DOP1A: variants seen among roughly 807,000 people sequenced by gnomAD.
DOP1A encodes the protein DOP1 leucine zipper like protein A.
In DOP1A, 90 loss-of-function variants were observed where a neutral mutation model predicts 267.6. The ratio of observed to expected loss-of-function variants is 0.34; its 90% CI spans 0.28 to 0.40. The LOEUF (loss-of-function observed/expected upper bound fraction) is 0.40, where lower values mean the gene tolerates loss of function less well. Among genes scored for constraint, DOP1A ranks in the 10% least tolerant of loss-of-function variants. The pLI is 1.00. For missense variants in DOP1A, 2,437 were observed against 2,900.4 expected (o/e 0.84, Z 3.67); for synonymous variants, 932 against 999.1 (o/e 0.93, Z 1.27).
chr6:83,068,651 G>C (rs1270200908), intron 1 of DOP1A, among the ~76,000 whole-genome samples: 1 of 151,992 alleles, frequency 6.6e-6, no homozygotes, highest in Non-Finnish European at 1.5e-5. Flanking sequence ...CTGTTTTGAT[G>C]TTGTTGGCCA....
At position 83,168,008 on chromosome 6, in the gene DOP1A, C is replaced by T. The variant is rs1246160173; in HGVS notation, c.7239C>T (p.Ser2413=). 6.2e-7 allele frequency: 1 copy of T among 1,614,048 alleles called. No individual in the cohort carries two copies. Among genetic ancestry groups the T allele is most frequent in the Non-Finnish European group, 8.5e-7 (1 of 1,180,036 alleles). ...LSQVFNSKVT[S]RCGGHSGSPI... ...AAGTCTTCAACAGCAAAGTCACAAG[C>T]CGATGTGGAGGACACTCAGGGAGTC... Residue 2413 remains serine (S), a synonymous_variant, in exon 39 of 39, where the codon AGC becomes AGT. Coordinates refer to ENST00000349129, the MANE Select transcript of DOP1A (RefSeq NM_015018.4).
chr6:83,073,295 C>T (rs1785929464), intron 1 of DOP1A, among the ~76,000 whole-genome samples: 1 of 152,076 alleles, frequency 6.6e-6, no homozygotes, highest in Non-Finnish European at 1.5e-5. Flanking sequence ...ACCATGTTGG[C>T]CAGGCTGGTC....
chr6:83,097,705 A>T (rs941512038), intron 3 of DOP1A, among the ~76,000 whole-genome samples: 16 of 151,686 alleles, frequency 1.1e-4, no homozygotes, highest in African/African-American at 3.6e-4. Flanking sequence ...CTTCATTTTG[A>T]CCTTTTTATT....
intron 1 of DOP1A, among the ~76,000 whole-genome samples, chr6:83,088,055 A>G (rs1014524024): frequency 6.6e-6 from 1 of 152,070 alleles, no homozygotes; most frequent in African/African-American, 2.4e-5. Flanking sequence ...GTATTTTTTT[A>G]GTAGAGACGG....
At position 83,162,944 on chromosome 6, in the gene DOP1A, T is replaced by C. The variant is rs760593662; in HGVS notation, c.7092+25T>C. On this transcript the variant is annotated intron_variant, in intron 38 of 38. Coordinates refer to ENST00000349129, the MANE Select transcript of DOP1A (RefSeq NM_015018.4). ...GGTATCGCATTCTTTTGTGATTGTTTTGTTTTACATCACTACATGTTGCAT... is the reference window on the plus strand; with the variant it reads ...GGTATCGCATTCTTTTGTGATTGTTCTGTTTTACATCACTACATGTTGCAT... 8 of 1,604,486 alleles carry C rather than the reference T, an allele frequency of 5.0e-6. No individual in the cohort carries two copies. In the African/African-American group the frequency reaches 9.4e-5, roughly 19 times the overall value.
At chr6:83,130,575 C>T (rs1429765232) in intron 17 of DOP1A, among the ~76,000 whole-genome samples, 178 bp downstream of exon 17, 7 of 152,136 alleles carry the variant, frequency 4.6e-5, no homozygotes. Flanking sequence ...CTCTCCCCAT[C>T]TTATTCCCAA....
intron 1 of DOP1A, among the ~76,000 whole-genome samples, chr6:83,090,835 G>A (rs1347419103): frequency 2.0e-5 from 3 of 152,050 alleles, no homozygotes; most frequent in African/African-American, 7.2e-5. Flanking sequence ...TTAAAATGGT[G>A]TATCTTTACA....
In DOP1A at chr6:83,132,207, G is replaced by A. The variant is rs756440125; in HGVS notation, c.2648G>A (p.Gly883Glu). 6.2e-7 allele frequency: 1 copy of A among 1,611,966 alleles called. No homozygotes were observed. The highest frequency in any genetic ancestry group is 1.1e-5 in the South Asian group (1 of 90,908). ...GCTTTAACATTGTGGGACCAGTTGGGAGATGGGACACCTCAGCATCACCAG... is the reference window on the plus strand; with the variant it reads ...GCTTTAACATTGTGGGACCAGTTGGAAGATGGGACACCTCAGCATCACCAG... ...HVALTLWDQL[G>E]DGTPQHHQKS... The change falls in exon 18 of 39, where the codon GGA becomes GAA. Residue 883 changes from glycine to glutamate, a missense_variant. Gly to Glu is a moderately conservative substitution (Grantham distance 98, BLOSUM62 -2). Around this residue, in one of 9 missense-constraint regions of DOP1A, gnomAD observed 878 missense variants for 992.9 expected, o/e 0.88. Transcript: ENST00000349129.
chr6:83,105,450 C>T (rs568188545), intron 4 of DOP1A, among the ~76,000 whole-genome samples: 16 of 148,748 alleles, frequency 1.1e-4, no homozygotes, highest in African/African-American at 3.0e-4. Context: ...CTGCAACCTC[C>T]GCCTCCCAGG....
At chr6:83,164,556 T>C in intron 38 of DOP1A, 1 of 1,078,384 alleles carries the variant, frequency 9.3e-7, no homozygotes, top group Admixed American at 2.0e-5. Context: ...ACTATTTTGA[T>C]TGAAAGGCAT....
chr6:83,103,899 A>G (rs1773063254), intron 4 of DOP1A, among the ~76,000 whole-genome samples: 1 of 152,174 alleles, frequency 6.6e-6, no homozygotes, highest in Admixed American at 6.5e-5. Flanking sequence ...ACCCCCTTCT[A>G]GTGAAAACCC....
At chr6:83,113,642 A>T (rs925302013) in intron 7 of DOP1A, among the ~76,000 whole-genome samples, 9 of 152,212 alleles carry the variant, frequency 5.9e-5, no homozygotes, top group Non-Finnish European at 1.2e-4. Context: ...GAAGTAGATT[A>T]TTTCATACTT....
At chr6:83,068,975 A>G (rs1785163283) in intron 1 of DOP1A, among the ~76,000 whole-genome samples, 1 of 152,220 alleles carries the variant, frequency 6.6e-6, no homozygotes, top group Non-Finnish European at 1.5e-5. Flanking sequence ...CACCTGATTT[A>G]ATACACAAAC....
At chr6:83,132,365 CCACACA>C in intron 18 of DOP1A, 37 bp downstream of exon 18, 14 of 1,404,850 alleles carry the variant, frequency 1.0e-5, no homozygotes, top group South Asian at 2.5e-5. Flanking sequence ...GCCCCCTCCG[CCACACA>C]CACACACACA....
In DOP1A at chr6:83,116,875, T is replaced by C. The variant is rs189037922; in HGVS notation, c.781-2013T>C. Among the ~76,000 whole-genome samples the C allele has an allele frequency of 8.0e-3, 1,216 of 152,264 alleles. 19 individuals are homozygous for C. Among genetic ancestry groups the C allele is most frequent in the African/African-American group, 0.028 (1,164 of 41,568 alleles). On this transcript the variant is annotated intron_variant, in intron 7 of 38. Coordinates refer to ENST00000349129, the MANE Select transcript of DOP1A (RefSeq NM_015018.4). ...GTTTTCCATAATTCTACTTTTCTCC[T>C]AGAAGCCCAACTTTTATTATTTGTC...
At chr6:83,102,034 C>A (rs1280812646) in intron 4 of DOP1A, among the ~76,000 whole-genome samples, 1 of 152,182 alleles carries the variant, frequency 6.6e-6, no homozygotes, top group Non-Finnish European at 1.5e-5. Context: ...TATGCTGACT[C>A]CCAGCTGGAC....
At chr6:83,161,871 C>G (rs1784316785) in intron 37 of DOP1A, among the ~76,000 whole-genome samples, 1 of 152,068 alleles carries the variant, frequency 6.6e-6, no homozygotes, top group South Asian at 2.1e-4. Context: ...AATAAATAAG[C>G]ATTACTTAAG....
At chr6:83,085,596 T>A (rs918320727) in intron 1 of DOP1A, among the ~76,000 whole-genome samples, 6 of 151,984 alleles carry the variant, frequency 3.9e-5, no homozygotes, top group African/African-American at 1.2e-4. Flanking sequence ...GCAAAAAAAA[T>A]TGGTGTATTT....
rs955259095 is a variant in DOP1A at position 83,153,458 on chromosome 6, G to A, written c.6130-53G>A. On this transcript the variant is annotated intron_variant, in intron 30 of 38. Coordinates refer to ENST00000349129, the MANE Select transcript of DOP1A (RefSeq NM_015018.4). ...AACAAACTGAAAATCAGTACCTTGGGATGATGTCAGTTTCACCTCATATGT... is the reference window on the plus strand; with the variant it reads ...AACAAACTGAAAATCAGTACCTTGGAATGATGTCAGTTTCACCTCATATGT... 4 of 1,174,368 alleles carry A rather than the reference G, an allele frequency of 3.4e-6. No individual in the cohort carries two copies. In the African/African-American group the frequency reaches 6.3e-5, roughly 19 times the overall value. The allele number at this position is 1,174,368 out of a possible 1,614,324, so 72.7% of individuals were successfully genotyped here. A position where few individuals can be genotyped will look rare whatever the true frequency, so the allele number is the denominator to read the frequency against.
Sources: allele counts gnomAD v4.1 joint callset (sites outside exome capture counted in the v4.1 genomes callset), GRCh38; gene constraint gnomAD v4.1.1; regional missense constraint gnomAD v4.1.1; transcripts MANE v1.5; gene names NCBI Gene and HGNC (gene_info 2026-07-23, HGNC 2026-07-21).